LRP2: variants seen among roughly 807,000 people sequenced by gnomAD.
The protein encoded by LRP2 is LDL receptor related protein 2, also known as low-density lipoprotein receptor-related protein 2.
Under a neutral mutation model 531.0 loss-of-function variants are expected in LRP2, and 172 were observed. The observed-to-expected ratio is 0.32, with a 90% CI of 0.29 to 0.37. The LOEUF (loss-of-function observed/expected upper bound fraction) is 0.37. Ranked by LOEUF, LRP2 falls within the 10% of genes least tolerant of loss-of-function variation. The pLI, the probability that LRP2 is intolerant of heterozygous loss-of-function variation, is 1.00. For missense variants in LRP2, 5,167 were observed against 5,868.3 expected, an observed-to-expected ratio of 0.88 and a Z score of 3.90; for synonymous variants, 1,992 against 2,027.6, an observed-to-expected ratio of 0.98 and a Z score of 0.47.
intron 38 of LRP2, 45 bp downstream of exon 38, chr2:169,209,408 T>G: frequency 6.3e-7 from 1 of 1,582,042 alleles, no homozygotes; most frequent in Non-Finnish European, 8.7e-7. Flanking sequence ...TAAAATAAGA[T>G]GACAGAGATG....
At chr2:169,292,832 CAAAAAAAA>C (rs59783436) in intron 6 of LRP2, among the ~76,000 whole-genome samples, 8 of 107,056 alleles carry the variant, frequency 7.5e-5, no homozygotes, top group Admixed American at 1.9e-4. Context: ...GACCCTGTCT[CAAAAAAAA>C]AAAAAAAAAA....
In LRP2 at chr2:169,197,168, G is replaced by C. The variant is rs999752128; in HGVS notation, c.8579-138C>G. On this transcript the variant is annotated intron_variant, in intron 45 of 78. Transcript: ENST00000649046. ...CTGAGCCTGGAAAATGGATGCTTGT[G>C]TAAGCTTTCTGTGGGGAGGAAGAAG... 7 of 999,984 alleles carry C rather than the reference G, an allele frequency of 7.0e-6. No homozygotes were observed. The African/African-American group carries it at 9.7e-5, about 14-fold the overall frequency. The allele number at this position is 999,984 out of a possible 1,614,324, so 61.9% of individuals were successfully genotyped here.
At position 169,138,597 on chromosome 2, in the gene LRP2, T is replaced by C. The variant is rs1421628556; in HGVS notation, c.13498A>G (p.Ile4500Val). 5 of 1,613,902 alleles carry C rather than the reference T, an allele frequency of 3.1e-6. No homozygotes were observed. The East Asian group carries it at 6.7e-5, about 22-fold the overall frequency. Residue 4500 changes from isoleucine (I) to valine (V), a missense_variant, in exon 75 of 79, where the codon ATT becomes GTT. Ile to Val is a conservative substitution (Grantham distance 29). Coordinates refer to ENST00000649046, the MANE Select transcript of LRP2 (RefSeq NM_004525.3). ...GVSGFGPETA[I>V]DRSMAMSEDF... Reference sequence around the variant, plus strand: ...CTCACCATTGCCATTGACCTGTCAATAGCAGTCTCAGGTCCAAAACCAGAC... The same window carrying C: ...CTCACCATTGCCATTGACCTGTCAACAGCAGTCTCAGGTCCAAAACCAGAC...
intron 34 of LRP2, among the ~76,000 whole-genome samples, chr2:169,216,688 G>A (rs1053368512): frequency 4.6e-5 from 7 of 152,112 alleles, no homozygotes; most frequent in South Asian, 2.1e-4. Context: ...TATCCCACTG[G>A]CAGCTGAACT....
At position 169,212,004 on chromosome 2, in the gene LRP2, C is replaced by T. The variant is rs772554862; in HGVS notation, c.6244G>A (p.Asp2082Asn). The stretch of plus-strand genomic sequence containing the variant: ...ACCGGCACCATGGTTTCTGAATGAT[C>T]TGACAATTCCAAGCTAAAGCCTCTG... Reference protein sequence around the residue: ...AIRGFSLELSDHSETMVPVAG... With the variant: ...AIRGFSLELSNHSETMVPVAG... The change falls in exon 37 of 79, where the codon GAT becomes AAT. Residue 2082 changes from aspartate (D) to asparagine (N), a missense_variant. This residue lies in a region of LRP2 where 2,811 missense variants were observed against 3,058.0 expected (regional missense o/e 0.92). Coordinates refer to ENST00000649046, the MANE Select transcript of LRP2 (RefSeq NM_004525.3). 1 of 1,613,972 alleles carries T rather than the reference C, an allele frequency of 6.2e-7. No homozygotes were observed. The highest frequency in any genetic ancestry group is 1.1e-5 in the South Asian group (1 of 91,084).
At chr2:169,329,266 G>A (rs1372390772) in intron 1 of LRP2, among the ~76,000 whole-genome samples, 2 of 152,192 alleles carry the variant, frequency 1.3e-5, no homozygotes, top group Non-Finnish European at 2.9e-5. Context: ...TGACAGGCCA[G>A]GCGTGATCAC....
Position 169,127,649 on chromosome 2 carries a change from G to A in LRP2, c.*1014C>T, listed in dbSNP as rs1685144845. 2 of 149,906 alleles carry A rather than the reference G, an allele frequency of 1.3e-5. No homozygotes were observed. Among genetic ancestry groups the A allele is most frequent in the South Asian group, 2.1e-4 (1 of 4,766 alleles). The allele number at this position is 149,906 out of a possible 1,614,324, so 9.3% of individuals were successfully genotyped here. On this transcript the variant is annotated 3_prime_UTR_variant, in exon 79 of 79. Coordinates refer to ENST00000649046, the MANE Select transcript of LRP2 (RefSeq NM_004525.3). ...CAGGGCCTAATAAAAAGCTTAATAA[G>A]AATGGTTTCCCTTTCTATTCAGGTT...
intron 4 of LRP2, among the ~76,000 whole-genome samples, chr2:169,295,478 C>T (rs1037974579): frequency 6.6e-6 from 1 of 152,226 alleles, no homozygotes; most frequent in African/African-American, 2.4e-5. Context: ...AAGTCCCTTA[C>T]AGGAATAACG....
intron 16 of LRP2, among the ~76,000 whole-genome samples, chr2:169,264,695 A>C (rs1248490006): frequency 3.3e-5 from 5 of 152,020 alleles, no homozygotes; most frequent in African/African-American, 1.2e-4. Flanking sequence ...AGACACACCC[A>C]CATATGCAGA....
chr2:169,212,037 A>C lies in LRP2; in HGVS notation c.6211T>G (p.Ser2071Ala). ...TCCAAGCTAAAGCCTCTGATTGCAG[A>C]CAGCATTGAAACAACAATGAAAGAG... ...YNSFIVVSMLSAIRGFSLELS... is the reference protein window; with the variant it reads ...YNSFIVVSMLAAIRGFSLELS... The change falls in exon 37 of 79, where the codon TCT (serine) becomes GCT (alanine). Residue 2071 changes from serine to alanine, a missense_variant. Coordinates refer to ENST00000649046, the MANE Select transcript of LRP2 (RefSeq NM_004525.3). 1 of 1,614,038 alleles carries C rather than the reference A, an allele frequency of 6.2e-7. No homozygotes were observed. The highest frequency in any genetic ancestry group is 1.1e-5 in the South Asian group (1 of 91,080).
chr2:169,182,525 TC>T, intron 50 of LRP2: 5 of 1,444,342 alleles, frequency 3.5e-6, no homozygotes, highest in Non-Finnish European at 4.6e-6. Context: ...GTGCAATAAT[TC>T]CCACTTTAAG....
rs763333903 is a variant in LRP2, at chr2:169,161,245, G to C, written c.11887+1227C>G. 2.6e-5 allele frequency among the ~76,000 whole-genome samples: 4 copies of C among 152,286 alleles called. No homozygotes were observed. In the South Asian group the frequency reaches 6.2e-4, roughly 24 times the overall value. ...CAAGGAAGTTACTTAAGCTCTCTGAGCTTTATTACATAGACAATAACAGCA... is the reference window on the plus strand; with the variant it reads ...CAAGGAAGTTACTTAAGCTCTCTGACCTTTATTACATAGACAATAACAGCA... On this transcript the variant is annotated intron_variant, in intron 63 of 78. Coordinates refer to ENST00000649046, the MANE Select transcript of LRP2 (RefSeq NM_004525.3).
chr2:169,191,710 A>T, intron 48 of LRP2, 122 bp downstream of exon 48: 4 of 744,654 alleles, frequency 5.4e-6, no homozygotes, highest in Non-Finnish European at 9.4e-6. Context: ...AAACATTTTC[A>T]TAAGCCACTA....
intron 50 of LRP2, among the ~76,000 whole-genome samples, chr2:169,184,323 A>T (rs1559001746): frequency 6.6e-6 from 1 of 152,194 alleles, no homozygotes; most frequent in Non-Finnish European, 1.5e-5. Flanking sequence ...TTCATTTATT[A>T]TCCAGCAAGC....
chr2:169,228,788 A>G (rs1189988940), intron 31 of LRP2, among the ~76,000 whole-genome samples: 2 of 152,208 alleles, frequency 1.3e-5, no homozygotes, highest in East Asian at 3.8e-4. Context: ...AACTGTGAGC[A>G]TCATGGTGGG....
rs1385981438 is a variant in LRP2, at chr2:169,246,771, A to C, written c.3124T>G (p.Tyr1042Asp). ...PCKNGRCVPNYYLCDGVDDCH... is the reference protein window; with the variant it reads ...PCKNGRCVPNDYLCDGVDDCH... ...TCATCGACTCCATCACAGAGATAGT[A>C]ATTGGGCACACATCTGCCATTTTTA... Residue 1042 changes from tyrosine (Y) to aspartate (D), a missense_variant, in exon 21 of 79, where the codon TAC (tyrosine) becomes GAC (aspartate). This residue lies in a region of LRP2 where 2,811 missense variants were observed against 3,058.0 expected (regional missense o/e 0.92). Coordinates refer to ENST00000649046, the MANE Select transcript of LRP2 (RefSeq NM_004525.3). The C allele has an allele frequency of 9.9e-6, 16 of 1,614,218 alleles. No individual in the cohort carries two copies. The highest frequency in any genetic ancestry group is 1.4e-5 in the Non-Finnish European group (16 of 1,180,036).
At chr2:169,226,318 T>C in intron 32 of LRP2, 104 bp downstream of exon 32, 1 of 907,010 alleles carries the variant, frequency 1.1e-6, no homozygotes, top group African/African-American at 1.7e-5. Flanking sequence ...TTCCACATTG[T>C]TTCCCTTTTA....
At chr2:169,231,626 C>A in intron 31 of LRP2, 88 bp downstream of exon 31, 1 of 1,513,112 alleles carries the variant, frequency 6.6e-7, no homozygotes, top group South Asian at 1.1e-5. Flanking sequence ...AGCACATGTT[C>A]AGTCGCAATT....
chr2:169,214,850 C>T (rs1250121922), intron 35 of LRP2, among the ~76,000 whole-genome samples: 1 of 152,084 alleles, frequency 6.6e-6, no homozygotes, highest in Non-Finnish European at 1.5e-5. Context: ...CTAGTCAAGG[C>T]CAGAGAGAGG....
Sources: gnomAD v4.1 joint callset for allele counts (sites outside exome capture counted in the v4.1 genomes callset) on GRCh38, gnomAD v4.1.1 for gene constraint, gnomAD v4.1.1 regional missense constraint, MANE v1.5 for transcripts, NCBI Gene and HGNC (gene_info 2026-07-23, HGNC 2026-07-21) for gene names.